The following GRB7 variants were observed in gnomAD, a reference collection of about 807,000 sequenced individuals.
GRB7 encodes growth factor receptor bound protein 7.
In GRB7, 47 loss-of-function variants were observed where a neutral mutation model predicts 64.1. The observed-to-expected ratio is 0.73, with a 90% CI of 0.58 to 0.94. The LOEUF is 0.94. GRB7 is among the 40% of genes least tolerant of loss of function. The pLI is 0.00. For missense variants in GRB7, 634 were observed against 718.4 expected (o/e 0.88, Z 1.34); for synonymous variants, 277 against 279.9 (o/e 0.99, Z 0.10).
At chr17:39,744,720 C>CCGGG in intron 8 of GRB7, 57 bp downstream of exon 8, 1 of 1,462,428 alleles carries the variant, frequency 6.8e-7, no homozygotes, top group Non-Finnish European at 9.4e-7. Context: ...TGCTCAGGCC[C>CCGGG]CTGGATCCTG....
At chr17:39,741,992 AGG>A (rs1051973425) in intron 1 of GRB7, among the ~76,000 whole-genome samples, 10 of 140,546 alleles carry the variant, frequency 7.1e-5, no homozygotes, top group African/African-American at 1.3e-4. Flanking sequence ...AAAAAAAAAA[AGG>A]AGAAAAAAAA....
At chr17:39,740,149 C>A in intron 1 of GRB7, 1 of 985,632 alleles carries the variant, frequency 1.0e-6, no homozygotes, top group Non-Finnish European at 1.2e-6. Flanking sequence ...AATGAAGTCA[C>A]TGGGGCTGTT....
At chr17:39,742,789 A>AT in intron 3 of GRB7, 73 bp downstream of exon 3, 1 of 1,523,534 alleles carries the variant, frequency 6.6e-7, no homozygotes, top group Non-Finnish European at 8.8e-7. Context: ...AGCCGCTTCC[A>AT]TGGAGGCAGG....
chr17:39,742,513 G>T, intron 2 of GRB7, 53 bp from the exon 3 acceptor site: 1 of 1,612,906 alleles, frequency 6.2e-7, no homozygotes, highest in South Asian at 1.1e-5. Flanking sequence ...ACAGAGGCTT[G>T]CAGGCCACTG....
chr17:39,740,261 C>A, intron 1 of GRB7: 1 of 707,892 alleles, frequency 1.4e-6, no homozygotes, highest in Non-Finnish European at 1.7e-6. Context: ...ATGGGTGTGT[C>A]GTGCCCCTCC....
At chr17:39,738,914 G>A in intron 1 of GRB7, 15 of 1,535,034 alleles carry the variant, frequency 9.8e-6, no homozygotes, top group Non-Finnish European at 1.3e-5. Context: ...CGATGGGAAA[G>A]TGGAGGCCGG....
chr17:39,742,595 C>T lies in GRB7; in HGVS notation c.185C>T (p.Thr62Ile). 1.9e-6 allele frequency: 3 copies of T among 1,613,898 alleles called. No homozygotes were observed. Among genetic ancestry groups the T allele is most frequent in the Non-Finnish European group, 2.5e-6 (3 of 1,179,934 alleles). ...CTTCGAGAGGAGGAGAGGCGTGCCA[C>T]CTCCCTCCCCTCTATCCCCAACCCC... ...RKLREEERRA[T>I]SLPSIPNPFP... is the part of the protein sequence containing the mutation. Residue 62 changes from threonine to isoleucine, a missense_variant, in exon 3 of 15, where the codon ACC becomes ATC. Transcript: ENST00000309156.
At chr17:39,745,114 G>C (rs1305679693) in intron 9 of GRB7, 129 bp from the exon 10 acceptor site, 14 of 1,083,430 alleles carry the variant, frequency 1.3e-5, no homozygotes, top group Non-Finnish European at 1.8e-5. Flanking sequence ...CAAGCCTGAA[G>C]TTATAGGAAG....
chr17:39,745,197 C>G, intron 9 of GRB7, 46 bp from the exon 10 acceptor site: 1 of 1,506,476 alleles, frequency 6.6e-7, no homozygotes, highest in East Asian at 2.3e-5. Flanking sequence ...CAGCCACGCC[C>G]CCAGGACCTC....
chr17:39,745,612 A>G, intron 11 of GRB7, 74 bp downstream of exon 11: 20 of 1,554,606 alleles, frequency 1.3e-5, no homozygotes, highest in Non-Finnish European at 1.6e-5. Context: ...AATAGGAGGG[A>G]GGAAGAGAGG....
Position 39,745,239 on chromosome 17 carries a change from C to G in GRB7, c.1012-4C>G. 6.3e-7 allele frequency: 1 copy of G among 1,596,534 alleles called. No individual in the cohort carries two copies. The highest frequency in any genetic ancestry group is 1.3e-5 in the African/African-American group (1 of 74,594). On this transcript the variant is annotated splice_polypyrimidine_tract_variant and splice_region_variant and intron_variant, in intron 9 of 14. Coordinates refer to ENST00000309156, the MANE Select transcript of GRB7 (RefSeq NM_005310.5). Reference sequence around the variant, plus strand: ...TCAAGCTCTCTTTCTCTCCCCACCCCCAGTACGGGGTGCAGCTGTACAAGA... The same window carrying G: ...TCAAGCTCTCTTTCTCTCCCCACCCGCAGTACGGGGTGCAGCTGTACAAGA...
Position 39,744,886 on chromosome 17 carries a change from C to T in GRB7, c.913C>T (p.Pro305Ser). The change falls in exon 9 of 15, where the codon CCC (proline) becomes TCC (serine). Residue 305 changes from proline (P) to serine (S), a missense_variant and splice_region_variant. Pro to Ser is a moderately conservative substitution (Grantham distance 74). Around this residue, in one of 2 missense-constraint regions of GRB7, gnomAD observed 467 missense variants for 576.6 expected, o/e 0.81. Coordinates refer to ENST00000309156, the MANE Select transcript of GRB7 (RefSeq NM_005310.5). ...MPTDFGFCVK[P>S]NKLRNGHKGL... Reference sequence around the variant, plus strand: ...ACCAGTCAATTTCCTCTCTCTGCAGCCCAACAAGCTTCGAAATGGCCACAA... The same window carrying T: ...ACCAGTCAATTTCCTCTCTCTGCAGTCCAACAAGCTTCGAAATGGCCACAA... 6.2e-7 allele frequency: 1 copy of T among 1,613,204 alleles called. No homozygotes were observed. Among genetic ancestry groups the T allele is most frequent in the Non-Finnish European group, 8.5e-7 (1 of 1,179,168 alleles).
intron 1 of GRB7, among the ~76,000 whole-genome samples, chr17:39,740,693 GC>G (rs2059987741): frequency 6.6e-6 from 1 of 152,122 alleles, no homozygotes; most frequent in Non-Finnish European, 1.5e-5. Flanking sequence ...CCCCCATTCC[GC>G]TCTGGCTAGC....
intron 1 of GRB7, chr17:39,739,084 G>T: frequency 1.8e-6 from 1 of 562,864 alleles, no homozygotes; most frequent in Non-Finnish European, 2.9e-6. Flanking sequence ...CAGGTTCCCG[G>T]TCTGGGTCTC....
rs2060054011 is a variant in GRB7 at position 39,746,972 on chromosome 17, T to C, written c.*75T>C. 3 of 1,500,966 alleles carry C rather than the reference T, an allele frequency of 2.0e-6. No individual in the cohort carries two copies. The highest frequency in any genetic ancestry group is 2.7e-6 in the Non-Finnish European group (3 of 1,110,358). 93.0% of individuals were successfully genotyped at this position (1,500,966 alleles called of 1,614,324 possible). A position where few individuals can be genotyped will look rare whatever the true frequency, so the allele number is the denominator to read the frequency against. On this transcript the variant is annotated 3_prime_UTR_variant, in exon 15 of 15. Transcript: ENST00000309156. ...GCCCCTCCACCCATCCAGTGGACTC[T>C]GGGGCGCGGCCACAGGGGACGGGAT...
rs768138725 is a variant in GRB7 at position 39,742,459 on chromosome 17, AC to A, written c.155+4del. 16 of 1,613,672 alleles carry A rather than the reference AC, an allele frequency of 9.9e-6. No individual in the cohort carries two copies. Among genetic ancestry groups the A allele is most frequent in the Non-Finnish European group, 1.3e-5 (15 of 1,179,850 alleles). On this transcript the variant is annotated splice_donor_region_variant and intron_variant, in intron 2 of 14. Transcript: ENST00000309156. Reference sequence around the variant, plus strand: ...CTCCTCATCCCAACCACCGGCAGGTACGATGGGGCGTGGGGCTTGGGGGAGG... The same window carrying A: ...CTCCTCATCCCAACCACCGGCAGGTAGATGGGGCGTGGGGCTTGGGGGAGG...
At position 39,746,773 on chromosome 17, in the gene GRB7, A is replaced by C. The variant is rs781128217; in HGVS notation, c.1475A>C (p.Tyr492Ser). The change falls in exon 15 of 15, where the codon TAC becomes TCC. Residue 492 changes from tyrosine (Y) to serine (S), a missense_variant. Coordinates refer to ENST00000309156, the MANE Select transcript of GRB7 (RefSeq NM_005310.5). ...CAGAGCGAGGAGGAGGGCCGCCTGT[A>C]CTTCAGCATGGATGATGGCCAGACC... Reference protein sequence around the residue: ...ILPSEEEGRLYFSMDDGQTRF... With the variant: ...ILPSEEEGRLSFSMDDGQTRF... 3 of 1,614,062 alleles carry C rather than the reference A, an allele frequency of 1.9e-6. No homozygotes were observed. Among genetic ancestry groups the C allele is most frequent in the Middle Eastern group, 1.7e-4 (1 of 6,060 alleles).
chr17:39,739,618 C>A (rs1029625683), intron 1 of GRB7, among the ~76,000 whole-genome samples: 2 of 152,364 alleles, frequency 1.3e-5, no homozygotes, highest in African/African-American at 4.8e-5. Context: ...TCTGTTGGCC[C>A]TGAACACCGG....
rs1027727543 is a variant in GRB7, at chr17:39,743,148, C to T, written c.464-32C>T. On this transcript the variant is annotated intron_variant, in intron 4 of 14. Coordinates refer to ENST00000309156, the MANE Select transcript of GRB7 (RefSeq NM_005310.5). ...TCATCCAGGAGATCTGGTTGATCTC[C>T]AATAACCCCTGCTTTTTGCCCTTGT... 5 of 1,612,526 alleles carry T rather than the reference C, an allele frequency of 3.1e-6. No individual in the cohort carries two copies. In the Admixed American group the frequency reaches 5.0e-5, roughly 16 times the overall value.
Sources: allele counts gnomAD v4.1 joint callset (sites outside exome capture counted in the v4.1 genomes callset), GRCh38; gene constraint gnomAD v4.1.1; regional missense constraint gnomAD v4.1.1; transcripts MANE v1.5; gene names NCBI Gene and HGNC (gene_info 2026-07-23, HGNC 2026-07-21).